The following TJP2 variants were observed in gnomAD, a reference collection of about 807,000 sequenced individuals.
TJP2 encodes the protein Friedreich ataxia region gene X104 (tight junction protein ZO-2).
A neutral mutation model predicts 133.1 loss-of-function variants in TJP2; 91 were observed. The observed-to-expected ratio is 0.68, with a 90% CI of 0.58 to 0.81. TJP2 has a LOEUF of 0.81. Among genes scored for constraint, TJP2 ranks in the 40% least tolerant of loss-of-function variants. The probability of loss-of-function intolerance (pLI) is 0.00; values close to 1 mark genes in which losing one functional copy is unlikely to be tolerated. For synonymous variants in TJP2, 592 were observed against 583.4 expected (o/e 1.01, Z -0.21); for missense variants, 1,541 against 1,565.6 (o/e 0.98, Z 0.26).
chr9:69,243,591 ATCTTCAAAGTAC>A (rs1830715074), intron 17 of TJP2, among the ~76,000 whole-genome samples: 1 of 152,234 alleles, frequency 6.6e-6, no homozygotes, highest in African/African-American at 2.4e-5. Context: ...TTTTCTTGGA[ATCTTCAAAGTAC>A]TCAGTGCATG....
chr9:69,226,329 T>C (rs933261297), intron 7 of TJP2, among the ~76,000 whole-genome samples, 154 bp downstream of exon 7: 5 of 152,226 alleles, frequency 3.3e-5, no homozygotes, highest in Non-Finnish European at 7.3e-5. Flanking sequence ...TTGGTTGTTA[T>C]TTGCTTATTA....
At chr9:69,212,667 T>G (rs1256321813) in intron 2 of TJP2, 66 bp downstream of exon 2, 4 of 1,397,182 alleles carry the variant, frequency 2.9e-6, no homozygotes, top group Non-Finnish European at 1.0e-6. Context: ...TGGATCTTAT[T>G]TATTTTCACC....
rs533260410 is a variant in TJP2, at chr9:69,161,991, C to T, written c.-10+10220C>T. 1.8e-3 allele frequency among the ~76,000 whole-genome samples: 266 copies of T among 150,034 alleles called. 1 individual carries two copies. Among genetic ancestry groups the T allele is most frequent in the African/African-American group, 5.5e-3 (228 of 41,154 alleles). Reference sequence around the variant, plus strand: ...CTCAGGAGGCAGAGGTTGCAGTGAACCAAGATCATGCCATGGTACTCCAGT... The same window carrying T: ...CTCAGGAGGCAGAGGTTGCAGTGAATCAAGATCATGCCATGGTACTCCAGT... On this transcript the variant is annotated intron_variant, in intron 2 of 5. Transcript: ENST00000423935.
chr9:69,161,319 C>T (rs1332244560), intron 2 of TJP2, among the ~76,000 whole-genome samples: 1 of 152,126 alleles, frequency 6.6e-6, no homozygotes, highest in Non-Finnish European at 1.5e-5. Flanking sequence ...ACCTCCGCCT[C>T]CTGGGTTCAA....
At position 69,192,920 on chromosome 9, in the gene TJP2, C is replaced by CTT. The variant is rs35014942; in HGVS notation, c.60+18506_60+18507dup. 5.9e-3 allele frequency among the ~76,000 whole-genome samples: 637 copies of CTT among 107,164 alleles called. 14 individuals carry two copies. The highest frequency in any genetic ancestry group is 0.02 in the African/African-American group (560 of 27,536). 70.3% of individuals were successfully genotyped at this position (107,164 alleles called of 152,430 possible). On this transcript the variant is annotated intron_variant, in intron 1 of 22. Coordinates refer to ENST00000377245, the MANE Select transcript of TJP2 (RefSeq NM_004817.4). ...GTCTTCCTTTCTTCCTTCTCTCTCA[C>CTT]TTTTTTTTTTTTTTTTTTTGAGATG... is the stretch of plus-strand genomic sequence containing the variant.
At chr9:69,197,453 T>C (rs1191399446) in intron 1 of TJP2, among the ~76,000 whole-genome samples, 2 of 152,238 alleles carry the variant, frequency 1.3e-5, no homozygotes, top group Non-Finnish European at 2.9e-5. Context: ...ATACAAGTTG[T>C]TGTGTACACA....
At position 69,211,004 on chromosome 9, in the gene TJP2, G is replaced by A. The variant is rs547176123; in HGVS notation, c.61-1544G>A. ...CAGCCTGAGTGCTGGAAATACAGAC[G>A]TGAGCCACTGCACCCAGCCCTCTTC... is the stretch of plus-strand genomic sequence containing the variant. On this transcript the variant is annotated intron_variant, in intron 1 of 22. Transcript: ENST00000377245. Among the ~76,000 whole-genome samples, 41 of 152,242 alleles carry A rather than the reference G, an allele frequency of 2.7e-4. No homozygotes were observed. In the East Asian group the frequency reaches 6.9e-3, roughly 26 times the overall value.
intron 3 of TJP2, among the ~76,000 whole-genome samples, chr9:69,216,979 T>A (rs1271869173): frequency 1.6e-5 from 2 of 126,960 alleles, no homozygotes; most frequent in African/African-American, 6.0e-5. Context: ...TTTAATAAAT[T>A]TTTTCTTTTC....
intron 2 of TJP2, among the ~76,000 whole-genome samples, chr9:69,155,676 A>T (rs1823719075): frequency 6.6e-6 from 1 of 152,264 alleles, no homozygotes; most frequent in Admixed American, 6.5e-5. Context: ...CAAATATTTA[A>T]TGAGCATCTC....
At chr9:69,160,161 A>G (rs1268294730) in intron 2 of TJP2, among the ~76,000 whole-genome samples, 1 of 152,218 alleles carries the variant, frequency 6.6e-6, no homozygotes, top group Non-Finnish European at 1.5e-5. Context: ...AGTGTTTACA[A>G]TGTAAATCTG....
At chr9:69,155,914 A>C (rs190805888) in intron 2 of TJP2, among the ~76,000 whole-genome samples, 1 of 152,230 alleles carries the variant, frequency 6.6e-6, no homozygotes, top group Non-Finnish European at 1.5e-5. Flanking sequence ...GGCTATGTGC[A>C]CTTATGGGGG....
rs777343204 is a variant in TJP2, at chr9:69,249,438, C to T, written c.2944C>T (p.Leu982Phe). 6.2e-7 allele frequency: 1 copy of T among 1,611,706 alleles called. No individual in the cohort carries two copies. The highest frequency in any genetic ancestry group is 1.1e-5 in the South Asian group (1 of 90,456). The change falls in exon 20 of 23, where the codon CTT (leucine) becomes TTT (phenylalanine). Residue 982 changes from leucine to phenylalanine, a missense_variant. Coordinates refer to ENST00000377245, the MANE Select transcript of TJP2 (RefSeq NM_004817.4). ...QMRRAASSDQ[L>F]RDNSPPPAFK... is the part of the protein sequence containing the mutation. ...GAGGAGGGCTGCTAGCAGCGATCAA[C>T]TTAGGGACAATAGCCCGCCCCCAGC...
intron 1 of TJP2, among the ~76,000 whole-genome samples, chr9:69,133,876 T>A (rs1160262380): frequency 2.0e-5 from 3 of 152,056 alleles, no homozygotes; most frequent in African/African-American, 4.8e-5. Flanking sequence ...TTGAACACAC[T>A]TTTCTCTTTA....
intron 1 of TJP2, among the ~76,000 whole-genome samples, chr9:69,187,040 A>G (rs1469114348): frequency 1.3e-5 from 2 of 152,220 alleles, no homozygotes; most frequent in Non-Finnish European, 2.9e-5. Flanking sequence ...ACTTCTAAGT[A>G]TCATGTTTGT....
intron 1 of TJP2, among the ~76,000 whole-genome samples, chr9:69,143,966 G>T (rs1162839858): frequency 2.0e-5 from 3 of 152,036 alleles, no homozygotes; most frequent in African/African-American, 4.8e-5. Flanking sequence ...AGTTCTCAAG[G>T]TAAATATTAT....
chr9:69,154,791 T>C (rs1199168878), intron 2 of TJP2, among the ~76,000 whole-genome samples: 2 of 151,476 alleles, frequency 1.3e-5, no homozygotes, highest in East Asian at 3.9e-4. Flanking sequence ...ATAAAAAAAT[T>C]AATAAATAAA....
chr9:69,171,706 G>T (rs1211302437), upstream of TJP2, among the ~76,000 whole-genome samples: 1 of 151,522 alleles, frequency 6.6e-6, no homozygotes, highest in Non-Finnish European at 1.5e-5. Flanking sequence ...TACTGCAATA[G>T]ACTGAGTTTC....
At chr9:69,230,018 A>T in intron 10 of TJP2, 64 bp from the exon 11 acceptor site, 2 of 1,585,032 alleles carry the variant, frequency 1.3e-6, no homozygotes, top group South Asian at 2.2e-5. Flanking sequence ...CTCATTTGCT[A>T]ATGTTGTTCT....
chr9:69,225,467 C>G, intron 6 of TJP2, 60 bp downstream of exon 6: 1 of 1,072,352 alleles, frequency 9.3e-7, no homozygotes, highest in Non-Finnish European at 1.4e-6. Context: ...CCTGCATGTC[C>G]ACATTCAGCA....
Sources: gnomAD v4.1 joint callset for allele counts (sites outside exome capture counted in the v4.1 genomes callset) on GRCh38, gnomAD v4.1.1 for gene constraint, MANE v1.5 for transcripts, NCBI Gene and HGNC (gene_info 2026-07-23, HGNC 2026-07-21) for gene names.